FGD3: variants seen among roughly 807,000 people sequenced by gnomAD.
FGD3 encodes the protein FYVE, RhoGEF and PH domain-containing protein 3.
Under a neutral mutation model 71.8 loss-of-function variants are expected in FGD3, and 45 were observed. That is an observed-to-expected ratio of 0.63 (90% CI 0.49 to 0.80). FGD3 has a LOEUF of 0.80. FGD3 is among the 30% of genes least tolerant of loss of function. FGD3 has a pLI of 0.00. For synonymous variants in FGD3, 378 were observed against 392.8 expected, an observed-to-expected ratio of 0.96 and a Z score of 0.44; for missense variants, 844 against 951.5, an observed-to-expected ratio of 0.89 and a Z score of 1.49.
intron 8 of FGD3, among the ~76,000 whole-genome samples, chr9:93,012,687 C>CGGGGGGGGG (rs1279341124): frequency 8.5e-5 from 5 of 59,060 alleles, no homozygotes; most frequent in African/African-American, 4.6e-4. Context: ...TGGGCGGTGG[C>CGGGGGGGGG]GGGGTGTGGG....
At chr9:92,982,767 G>A (rs1184296759) in intron 3 of FGD3, among the ~76,000 whole-genome samples, 1 of 152,106 alleles carries the variant, frequency 6.6e-6, no homozygotes, top group Admixed American at 6.6e-5. Context: ...AGGAGCACCT[G>A]TTAGAGTCCT....
intron 1 of FGD3, among the ~76,000 whole-genome samples, chr9:92,966,526 C>T (rs1217530340): frequency 6.6e-6 from 1 of 152,234 alleles, no homozygotes; most frequent in Non-Finnish European, 1.5e-5. Flanking sequence ...GGTGTGCTGT[C>T]CCCCAGCCCC....
At chr9:92,954,008 A>G (rs914189192) in intron 1 of FGD3, among the ~76,000 whole-genome samples, 5 of 152,224 alleles carry the variant, frequency 3.3e-5, no homozygotes, top group Admixed American at 1.3e-4. Flanking sequence ...ATTTTTAAAC[A>G]GGTTGGCTTT....
intron 11 of FGD3, among the ~76,000 whole-genome samples, chr9:93,019,019 G>C (rs887164542): frequency 2.0e-5 from 3 of 152,018 alleles, no homozygotes; most frequent in African/African-American, 4.8e-5. Flanking sequence ...CTAATTTTTT[G>C]TTTGAGTGAA....
At chr9:92,993,697 T>C (rs1187332479) in intron 3 of FGD3, among the ~76,000 whole-genome samples, 1 of 152,208 alleles carries the variant, frequency 6.6e-6, no homozygotes, top group Non-Finnish European at 1.5e-5. Flanking sequence ...TTCCCATCTA[T>C]GAGTGAGAAC....
chr9:93,014,940 A>T (rs1861606505), intron 9 of FGD3, among the ~76,000 whole-genome samples: 1 of 152,008 alleles, frequency 6.6e-6, no homozygotes, highest in African/African-American at 2.4e-5. Context: ...GCCAAGTTAC[A>T]ATTTGATCAC....
chr9:93,009,615 A>C (rs1217794582), intron 6 of FGD3, among the ~76,000 whole-genome samples: 2 of 152,202 alleles, frequency 1.3e-5, no homozygotes, highest in Non-Finnish European at 2.9e-5. Context: ...GGCAGCATTC[A>C]GCACACGTGT....
chr9:92,988,943 C>T (rs1860294465), intron 3 of FGD3, among the ~76,000 whole-genome samples: 1 of 152,188 alleles, frequency 6.6e-6, no homozygotes, highest in Non-Finnish European at 1.5e-5. Context: ...CATTAGTCTG[C>T]CTTGTTCTTT....
chr9:93,011,863 A>G (rs1169945645), intron 8 of FGD3, among the ~76,000 whole-genome samples: 3 of 145,334 alleles, frequency 2.1e-5, no homozygotes, highest in African/African-American at 7.7e-5. Flanking sequence ...CTCAAAAAAA[A>G]AAGAATCACT....
intron 13 of FGD3, among the ~76,000 whole-genome samples, chr9:93,021,080 G>A (rs1419016495): frequency 6.6e-6 from 1 of 152,258 alleles, no homozygotes; most frequent in Non-Finnish European, 1.5e-5. Context: ...CATGGGTGGT[G>A]GAACTGGCAT....
chr9:92,971,371 G>C (rs1358767740), intron 1 of FGD3, among the ~76,000 whole-genome samples: 1 of 151,928 alleles, frequency 6.6e-6, no homozygotes, highest in Admixed American at 6.6e-5. Flanking sequence ...CTCTGGACAG[G>C]ATGTCTGGGG....
Position 93,025,864 on chromosome 9 carries a change from T to C in FGD3, c.1557+3475T>C, listed in dbSNP as rs550803226. ...TTGACAGGCCAGTGCCAGGGCCTCT[T>C]CTCAGGCACTGCCCCTCCTGGGACG... On this transcript the variant is annotated intron_variant, in intron 14 of 17. Coordinates refer to ENST00000375482, the MANE Select transcript of FGD3 (RefSeq NM_001083536.2). Among the ~76,000 whole-genome samples the C allele has an allele frequency of 1.1e-4, 17 of 152,326 alleles. No homozygotes were observed. The South Asian group carries it at 1.2e-3, about 11-fold the overall frequency.
At chr9:92,994,169 T>G (rs1248401665) in intron 3 of FGD3, among the ~76,000 whole-genome samples, 1 of 152,190 alleles carries the variant, frequency 6.6e-6, no homozygotes, top group Non-Finnish European at 1.5e-5. Flanking sequence ...TAACTGGTGT[T>G]AGATGGTATC....
At chr9:92,958,819 A>G (rs1486299896) in intron 1 of FGD3, among the ~76,000 whole-genome samples, 1 of 152,258 alleles carries the variant, frequency 6.6e-6, no homozygotes, top group Non-Finnish European at 1.5e-5. Flanking sequence ...GAAAGGACGT[A>G]TCTTTCCCTA....
chr9:92,966,040 G>A (rs942827980), intron 1 of FGD3, among the ~76,000 whole-genome samples: 4 of 152,218 alleles, frequency 2.6e-5, no homozygotes, highest in Non-Finnish European at 4.4e-5. Flanking sequence ...TAGGCGGGAC[G>A]ACCGTCAGCT....
chr9:93,002,390 C>T (rs1208360018), intron 3 of FGD3, among the ~76,000 whole-genome samples: 2 of 152,072 alleles, frequency 1.3e-5, no homozygotes, highest in African/African-American at 4.8e-5. Context: ...TCAAGACCAG[C>T]CTGGGCAACA....
intron 6 of FGD3, 111 bp downstream of exon 6, chr9:93,006,291 C>A: frequency 8.6e-7 from 1 of 1,157,556 alleles, no homozygotes. Context: ...CAAAAAGTAA[C>A]ATGACATTAC....
rs555941829 is a variant in FGD3, at chr9:93,025,684, T to G, written c.1557+3295T>G. ...AGCCAGGAAGTTTTGCAAGGGGCCT[T>G]GCAGAATTCAAAGCCTTCCCTGATG... On this transcript the variant is annotated intron_variant, in intron 14 of 17. Transcript: ENST00000375482. Among the ~76,000 whole-genome samples the G allele has an allele frequency of 1.5e-4, 23 of 152,352 alleles. 1 individual carries two copies. In the East Asian group the frequency reaches 4.4e-3, roughly 29 times the overall value.
rs374980002 is a variant in FGD3, at chr9:93,013,932, C to G, written c.1116C>G (p.Ile372Met). Residue 372 changes from isoleucine (I) to methionine (M), a missense_variant, in exon 9 of 18, where the codon ATC (isoleucine) becomes ATG (methionine). By Grantham distance (10) the Ile-to-Met change is conservative. Transcript: ENST00000375482. ...EDIVNPANEL[I>M]KEGQIQKLSA... ...TTGTCAACCCGGCCAATGAACTGAT[C>G]AAGGAGGGCCAAATCCAGAAACTGT... is the stretch of plus-strand genomic sequence containing the variant. The G allele has an allele frequency of 1.2e-6, 2 of 1,612,378 alleles. No homozygotes were observed. The highest frequency in any genetic ancestry group is 1.7e-6 in the Non-Finnish European group (2 of 1,179,390).
Sources: gnomAD v4.1 joint callset for allele counts (sites outside exome capture counted in the v4.1 genomes callset) on GRCh38, gnomAD v4.1.1 for gene constraint, MANE v1.5 for transcripts, NCBI Gene and HGNC (gene_info 2026-07-23, HGNC 2026-07-21) for gene names.